Variants in CLVS1 observed in about 807,000 individuals in gnomAD.
CLVS1 encodes clavesin-1.
Under a neutral mutation model 33.1 loss-of-function variants are expected in CLVS1, and 10 were observed. That is an observed-to-expected ratio of 0.30 (90% CI 0.19 to 0.51). CLVS1 has a LOEUF of 0.51. Ranked by LOEUF, CLVS1 falls within the 20% of genes least tolerant of loss-of-function variation. The probability of loss-of-function intolerance (pLI) is 0.97; values close to 1 mark genes in which losing one functional copy is unlikely to be tolerated. For synonymous variants in CLVS1, 163 were observed against 166.1 expected, an observed-to-expected ratio of 0.98 and a Z score of 0.14; for missense variants, 343 against 433.4, an observed-to-expected ratio of 0.79 and a Z score of 1.85.
At chr8:60,972,740 CCAAT>C in the CLVS1 span, among the ~76,000 whole-genome samples, 9 of 152,158 alleles carry the variant, frequency 5.9e-5, no homozygotes, top group African/African-American at 2.2e-4. Context: ...GATTGCAGCC[CCAAT>C]CAATCAGCAT....
chr8:61,103,321 T>G (rs540822623), intron 1 of CLVS1, among the ~76,000 whole-genome samples: 1 of 152,326 alleles, frequency 6.6e-6, no homozygotes, highest in African/African-American at 2.4e-5. Context: ...TGCTGCTGTT[T>G]GCCAAGGACC....
chr8:61,282,562 C>T (rs978605535), intron 2 of CLVS1, among the ~76,000 whole-genome samples: 1 of 152,178 alleles, frequency 6.6e-6, no homozygotes, highest in Non-Finnish European at 1.5e-5. Flanking sequence ...ATAATTCAGG[C>T]ATGTTACTTA....
rs79839066 is a variant in CLVS1, at chr8:61,312,498, T to C, written c.455+12216T>C. The stretch of plus-strand genomic sequence containing the variant: ...TGATGTGTTGTTTTTTCTTTGCACA[T>C]TCTTTCTGTTTCTCACCATTTTTCT... On this transcript the variant is annotated intron_variant, in intron 2 of 5. Coordinates refer to ENST00000325897, the MANE Select transcript of CLVS1 (RefSeq NM_173519.3). Among the ~76,000 whole-genome samples the C allele has an allele frequency of 6.6e-3, 999 of 152,334 alleles. 10 individuals are homozygous for C. The highest frequency in any genetic ancestry group is 0.023 in the African/African-American group (962 of 41,566).
chr8:61,441,054 A>G (rs1042905580), intron 3 of CLVS1, among the ~76,000 whole-genome samples: 3 of 152,224 alleles, frequency 2.0e-5, no homozygotes, highest in African/African-American at 7.2e-5. Context: ...GTCACACGGT[A>G]TAAGAGAAAC....
At chr8:61,010,645 A>AG in the CLVS1 span, among the ~76,000 whole-genome samples, 44 of 152,186 alleles carry the variant, frequency 2.9e-4, no homozygotes, top group African/African-American at 1.0e-3. Context: ...GGTGGAGATG[A>AG]GGGGGTGGTT....
At chr8:61,270,383 A>T (rs747224103) in intron 2 of CLVS1, among the ~76,000 whole-genome samples, 10 of 152,180 alleles carry the variant, frequency 6.6e-5, no homozygotes, top group Non-Finnish European at 1.2e-4. Context: ...TATTGTGGAT[A>T]AGCTTTTTGA....
At chr8:61,490,993 A>G (rs1404536075) in intron 5 of CLVS1, among the ~76,000 whole-genome samples, 1 of 151,958 alleles carries the variant, frequency 6.6e-6, no homozygotes, top group East Asian at 1.9e-4. Flanking sequence ...AGAAAGAAAG[A>G]AATTATTTTG....
intron 2 of CLVS1, among the ~76,000 whole-genome samples, chr8:61,171,910 G>T (rs1373114142): frequency 1.3e-5 from 2 of 152,196 alleles, no homozygotes; most frequent in Admixed American, 1.3e-4. Flanking sequence ...TGGAAATCAA[G>T]CAGGCTTGGT....
Position 61,407,849 on chromosome 8 carries a change from T to G in CLVS1, c.630+31070T>G, listed in dbSNP as rs181203365. ...GAAGTAAGGGCCAAGCCAGAGTCTT[T>G]TCTTTGCCAGTTCAAGTGTTTCAAA... On this transcript the variant is annotated intron_variant, in intron 3 of 5. Coordinates refer to ENST00000325897, the MANE Select transcript of CLVS1 (RefSeq NM_173519.3). 5.9e-5 allele frequency among the ~76,000 whole-genome samples: 9 copies of G among 152,314 alleles called. No homozygotes were observed. The East Asian group carries it at 1.7e-3, about 29-fold the overall frequency.
chr8:61,350,752 T>G (rs1812420584), intron 2 of CLVS1, among the ~76,000 whole-genome samples: 1 of 152,110 alleles, frequency 6.6e-6, no homozygotes, highest in African/African-American at 2.4e-5. Context: ...AGTAAAAGCT[T>G]TTAGTTAACT....
intron 2 of CLVS1, among the ~76,000 whole-genome samples, chr8:61,352,504 C>T (rs1014656860): frequency 6.6e-6 from 1 of 151,924 alleles, no homozygotes; most frequent in East Asian, 1.9e-4. Flanking sequence ...AGAAATCAAG[C>T]TTCAACAATA....
intron 2 of CLVS1, chr8:61,202,215 T>C (rs1307815365): frequency 4.4e-6 from 2 of 453,428 alleles, no homozygotes; most frequent in South Asian, 2.2e-5. Flanking sequence ...ATAAAGTACA[T>C]TGATTTCTTT....
rs368485692 is a variant in CLVS1 at position 61,300,035 on chromosome 8, C to T, written c.208C>T (p.Arg70Cys). ...IITRPDIGFL[R>C]TDDAFILRFL... ...CACCAGGCCTGACATTGGATTTTTA[C>T]GTACAGATGATGCCTTCATCCTGAG... Residue 70 changes from arginine to cysteine, a missense_variant, in exon 2 of 6, where the codon CGT becomes TGT. Physicochemically the swap from Arg to Cys is radical, Grantham distance 180 (BLOSUM62 -3). Transcript: ENST00000325897. 21 of 1,613,892 alleles carry T rather than the reference C, an allele frequency of 1.3e-5. No individual in the cohort carries two copies. Among genetic ancestry groups the T allele is most frequent in the Middle Eastern group, 1.6e-4 (1 of 6,082 alleles).
chr8:61,355,545 C>G (rs1812660829), intron 2 of CLVS1, among the ~76,000 whole-genome samples: 1 of 152,080 alleles, frequency 6.6e-6, no homozygotes, highest in African/African-American at 2.4e-5. Context: ...GGTATATCTC[C>G]TAAAGCTATC....
intron 3 of CLVS1, among the ~76,000 whole-genome samples, chr8:61,428,141 T>G (rs1815963817): frequency 1.3e-5 from 2 of 152,206 alleles, no homozygotes; most frequent in African/African-American, 4.8e-5. Flanking sequence ...GAGGTGGAGA[T>G]TTGTAGTCGT....
chr8:61,029,335 C>T, the CLVS1 span, among the ~76,000 whole-genome samples: 1 of 152,160 alleles, frequency 6.6e-6, no homozygotes, highest in African/African-American at 2.4e-5. Flanking sequence ...CTGCGAGTTC[C>T]CTGCAGCCAT....
chr8:61,461,282 T>C (rs1817356918), intron 5 of CLVS1, among the ~76,000 whole-genome samples: 1 of 152,244 alleles, frequency 6.6e-6, no homozygotes, highest in Non-Finnish European at 1.5e-5. Context: ...ATTGTCCCCA[T>C]TAACTTTTTG....
intron 2 of CLVS1, among the ~76,000 whole-genome samples, chr8:61,327,758 G>T (rs1215527126): frequency 6.6e-6 from 1 of 152,144 alleles, no homozygotes; most frequent in Non-Finnish European, 1.5e-5. Flanking sequence ...AGACTCAGTG[G>T]CTTACCCCAA....
At chr8:61,391,246 C>G (rs538667999) in intron 3 of CLVS1, 8 of 152,228 alleles carry the variant, frequency 5.3e-5, no homozygotes, top group Non-Finnish European at 1.2e-4. Context: ...ATGAGTAATG[C>G]GAATTTGCAG....
Sources: allele counts gnomAD v4.1 joint callset (sites outside exome capture counted in the v4.1 genomes callset), GRCh38; gene constraint gnomAD v4.1.1; transcripts MANE v1.5; gene names NCBI Gene and HGNC (gene_info 2026-07-23, HGNC 2026-07-21).